RABEP1: variants seen among roughly 807,000 people sequenced by gnomAD.
The protein encoded by RABEP1 is rab GTPase-binding effector protein 1.
In RABEP1, 51 loss-of-function variants were observed where a neutral mutation model predicts 123.4. That is an observed-to-expected ratio of 0.41 (90% CI 0.33 to 0.52). The LOEUF is 0.52. Ranked by LOEUF, RABEP1 falls within the 20% of genes least tolerant of loss-of-function variation. The probability of loss-of-function intolerance (pLI) is 0.16; values close to 1 mark genes in which losing one functional copy is unlikely to be tolerated. For missense variants in RABEP1, 888 were observed against 996.3 expected (o/e 0.89, Z 1.46); for synonymous variants, 347 against 355.2 (o/e 0.98, Z 0.26).
chr17:5,374,452 T>G (rs892056046), intron 13 of RABEP1, among the ~76,000 whole-genome samples: 1 of 151,684 alleles, frequency 6.6e-6, no homozygotes, highest in African/African-American at 2.4e-5. Context: ...ATTTTTATTT[T>G]TTGAGACACA....
chr17:5,335,328 A>G lies in RABEP1; in HGVS notation c.512A>G (p.Glu171Gly). Residue 171 changes from glutamate (E) to glycine (G), a missense_variant, in exon 4 of 18, where the codon GAA becomes GGA. By Grantham distance (98) the Glu-to-Gly change is moderately conservative. Coordinates refer to ENST00000537505, the MANE Select transcript of RABEP1 (RefSeq NM_004703.6). ...LSEGQEEENLENEMKKAQEDA... is the reference protein window; with the variant it reads ...LSEGQEEENLGNEMKKAQEDA... ...GAAGGTCAAGAGGAGGAAAATTTAG[A>G]AAATGAAATGAAAAAGGTATGAAGG... The G allele has an allele frequency of 6.2e-7, 1 of 1,612,034 alleles. No individual in the cohort carries two copies. The highest frequency in any genetic ancestry group is 8.5e-7 in the Non-Finnish European group (1 of 1,179,076).
At chr17:5,293,393 T>C (rs1422356585) in intron 1 of RABEP1, among the ~76,000 whole-genome samples, 1 of 152,190 alleles carries the variant, frequency 6.6e-6, no homozygotes, top group African/African-American at 2.4e-5. Flanking sequence ...TACAGATATT[T>C]ACAGGTATTT....
Position 5,318,746 on chromosome 17 carries a change from C to G in RABEP1, c.163+9924C>G, listed in dbSNP as rs547625408. On this transcript the variant is annotated intron_variant, in intron 2 of 17. Transcript: ENST00000537505. ...GCATAATCCTAATCTCAAAACCATA[C>G]AAAGACATTTAATGAAAACTACAGA... is the stretch of plus-strand genomic sequence containing the variant. 8.5e-5 allele frequency among the ~76,000 whole-genome samples: 13 copies of G among 152,298 alleles called. 1 individual carries two copies. The South Asian group carries it at 2.5e-3, about 29-fold the overall frequency.
At chr17:5,344,882 A>G (rs532912739) in intron 5 of RABEP1, among the ~76,000 whole-genome samples, 2 of 151,898 alleles carry the variant, frequency 1.3e-5, no homozygotes, top group Non-Finnish European at 2.9e-5. Context: ...GCTTGAACCC[A>G]GGAGCCAGAG....
intron 1 of RABEP1, among the ~76,000 whole-genome samples, chr17:5,306,213 A>G (rs919393798): frequency 6.6e-6 from 1 of 152,184 alleles, no homozygotes; most frequent in Non-Finnish European, 1.5e-5. Context: ...AAAATCTTCT[A>G]ACAGAAAGCC....
At chr17:5,356,902 C>T (rs72634026) in intron 8 of RABEP1, among the ~76,000 whole-genome samples, 18,636 of 151,510 alleles carry the variant, frequency 0.12, 1,738 homozygotes, top group East Asian at 0.49. Flanking sequence ...AAATTTGAGA[C>T]AGGGTCTCAC....
chr17:5,321,260 A>G (rs1358661889), intron 2 of RABEP1, among the ~76,000 whole-genome samples: 2 of 152,098 alleles, frequency 1.3e-5, no homozygotes, highest in South Asian at 2.1e-4. Context: ...TGGGCAACAA[A>G]CTGAGACCCC....
intron 2 of RABEP1, among the ~76,000 whole-genome samples, chr17:5,319,614 TG>T (rs1315377893): frequency 6.6e-6 from 1 of 152,028 alleles, no homozygotes; most frequent in African/African-American, 2.4e-5. Context: ...CTGCCTGCCT[TG>T]GCCTCCCAAA....
intron 6 of RABEP1, among the ~76,000 whole-genome samples, chr17:5,349,571 C>T (rs1032992206): frequency 2.6e-5 from 4 of 152,124 alleles, no homozygotes; most frequent in Admixed American, 1.3e-4. Flanking sequence ...CTATATTAAC[C>T]GGACCCAACG....
At position 5,320,167 on chromosome 17, in the gene RABEP1, CAGT is replaced by C. The variant is rs149822540; in HGVS notation, c.163+11346_163+11348del. Among the ~76,000 whole-genome samples the C allele has an allele frequency of 9.1e-3, 1,383 of 151,776 alleles. 13 individuals carry two copies. Among genetic ancestry groups the C allele is most frequent in the African/African-American group, 0.031 (1,274 of 41,398 alleles). On this transcript the variant is annotated intron_variant, in intron 2 of 17. Coordinates refer to ENST00000537505, the MANE Select transcript of RABEP1 (RefSeq NM_004703.6). The stretch of plus-strand genomic sequence containing the variant: ...CAAATAACCCTAATGGAGCTTCAGT[CAGT>C]TTGTCAACAGACTTCTTAGTACAAA...
At chr17:5,339,907 GA>G (rs1304900212) in intron 5 of RABEP1, among the ~76,000 whole-genome samples, 4 of 152,018 alleles carry the variant, frequency 2.6e-5, no homozygotes, top group Non-Finnish European at 4.4e-5. Context: ...ACAAAGATAG[GA>G]TAAGGGGGAA....
chr17:5,380,251 C>G (rs1036981193), intron 15 of RABEP1, 113 bp from the exon 16 acceptor site: 7 of 663,264 alleles, frequency 1.1e-5, no homozygotes, highest in Non-Finnish European at 1.8e-5. Context: ...GAGGAGTATT[C>G]CCAGTGTAGC....
Position 5,361,066 on chromosome 17 carries a change from T to TA in RABEP1, c.1096-141dup. 5 of 735,796 alleles carry TA rather than the reference T, an allele frequency of 6.8e-6. No individual in the cohort carries two copies. The South Asian group carries it at 9.5e-5, about 14-fold the overall frequency. The allele number at this position is 735,796 out of a possible 1,614,324, so 45.6% of individuals were successfully genotyped here. ...GTGTCCAGCATGTAGAAATGACACT[T>TA]AGTGTTTGTTCAATGAGTCTGTGAA... On this transcript the variant is annotated intron_variant, in intron 8 of 17. Transcript: ENST00000537505.
rs1021043120 is a variant in RABEP1, at chr17:5,361,857, T to C, written c.1563+182T>C. The C allele has an allele frequency of 4.3e-5, 25 of 584,398 alleles. No individual in the cohort carries two copies. In the African/African-American group the frequency reaches 4.7e-4, roughly 11 times the overall value. The allele number at this position is 584,398 out of a possible 1,614,324, so 36.2% of individuals were successfully genotyped here. A position where few individuals can be genotyped will look rare whatever the true frequency, so the allele number is the denominator to read the frequency against. On this transcript the variant is annotated intron_variant, in intron 9 of 17. Transcript: ENST00000537505. ...AGTCTGCCTTGGGTATTCCAGGTAA[T>C]TGTGACAGAGAAAGGAGCTAGCTAG...
Position 5,383,226 on chromosome 17 carries a change from C to T in RABEP1, c.*3C>T, listed in dbSNP as rs370619994. Reference sequence around the variant, plus strand: ...TTAACCAGCTTCCTGAGACATGACACCCTCATGGCAGGATTCTAGCCTGCA... The same window carrying T: ...TTAACCAGCTTCCTGAGACATGACATCCTCATGGCAGGATTCTAGCCTGCA... On this transcript the variant is annotated 3_prime_UTR_variant, in exon 18 of 18. Coordinates refer to ENST00000537505, the MANE Select transcript of RABEP1 (RefSeq NM_004703.6). The T allele has an allele frequency of 5.6e-6, 9 of 1,612,250 alleles. No homozygotes were observed. The highest frequency in any genetic ancestry group is 7.6e-6 in the Non-Finnish European group (9 of 1,178,466).
intron 12 of RABEP1, among the ~76,000 whole-genome samples, chr17:5,369,235 G>C (rs1441790454): frequency 6.6e-6 from 1 of 152,220 alleles, no homozygotes; most frequent in Non-Finnish European, 1.5e-5. Context: ...AGTGTTATGA[G>C]CAAGTGCCGG....
chr17:5,351,650 T>G (rs745865851), intron 7 of RABEP1, among the ~76,000 whole-genome samples: 4 of 152,034 alleles, frequency 2.6e-5, no homozygotes, highest in Non-Finnish European at 4.4e-5. Context: ...ATAAGAAGAA[T>G]AATTAGCTGG....
intron 4 of RABEP1, 79 bp from the exon 5 acceptor site, chr17:5,337,940 T>G (rs1597368224): frequency 1.4e-6 from 2 of 1,438,440 alleles, no homozygotes; most frequent in East Asian, 4.8e-5. Flanking sequence ...ATAATAATTT[T>G]TAGCAAATGG....
At chr17:5,364,645 T>C (rs1203960850) in intron 10 of RABEP1, among the ~76,000 whole-genome samples, 1 of 145,840 alleles carries the variant, frequency 6.9e-6, no homozygotes, top group Non-Finnish European at 1.5e-5. Context: ...GGCAGGAGAA[T>C]CCCTTGAACC....
Sources: gnomAD v4.1 joint callset for allele counts (sites outside exome capture counted in the v4.1 genomes callset) on GRCh38, gnomAD v4.1.1 for gene constraint, MANE v1.5 for transcripts, NCBI Gene and HGNC (gene_info 2026-07-23, HGNC 2026-07-21) for gene names.